The following PRODH2 variants were observed in gnomAD, a reference collection of about 807,000 sequenced individuals.
PRODH2 encodes hydroxyproline dehydrogenase.
Under a neutral mutation model 51.9 loss-of-function variants are expected in PRODH2, and 49 were observed. The observed-to-expected ratio is 0.94, with a 90% CI of 0.75 to 1.20. The LOEUF (loss-of-function observed/expected upper bound fraction) is 1.20, where lower values mean the gene tolerates loss of function less well. PRODH2 is among the 50% of genes most tolerant of loss of function. The probability of loss-of-function intolerance (pLI) is 0.00; values close to 1 mark genes in which losing one functional copy is unlikely to be tolerated. For synonymous variants in PRODH2, 249 were observed against 260.7 expected (o/e 0.96, Z 0.43); for missense variants, 597 against 610.9 (o/e 0.98, Z 0.24).
intron 7 of PRODH2, among the ~76,000 whole-genome samples, chr19:35,805,739 C>T (rs542751129): frequency 6.6e-6 from 1 of 152,324 alleles, no homozygotes; most frequent in African/African-American, 2.4e-5. Context: ...GGTACACAAA[C>T]GTGCCCTGGA....
At chr19:35,802,888 T>C in intron 8 of PRODH2, 80 bp downstream of exon 8, 3 of 1,021,936 alleles carry the variant, frequency 2.9e-6, no homozygotes, top group Non-Finnish European at 4.3e-6. Flanking sequence ...CCTCTGTCCA[T>C]CTCTGGCATT....
intron 4 of PRODH2, among the ~76,000 whole-genome samples, chr19:35,808,127 C>T (rs189087421): frequency 3.9e-4 from 59 of 152,346 alleles, no homozygotes; most frequent in African/African-American, 1.3e-3. Flanking sequence ...TGCCTTCATG[C>T]TTCCTCGGCC....
intron 7 of PRODH2, among the ~76,000 whole-genome samples, chr19:35,803,294 G>T (rs1972461851): frequency 6.6e-6 from 1 of 152,098 alleles, no homozygotes; most frequent in African/African-American, 2.4e-5. Context: ...TCACTCTGTT[G>T]CCCAGGCTGG....
chr19:35,805,823 C>T (rs1326659289), intron 7 of PRODH2, among the ~76,000 whole-genome samples: 2 of 152,176 alleles, frequency 1.3e-5, no homozygotes, highest in Non-Finnish European at 2.9e-5. Flanking sequence ...CTGGCTGAGT[C>T]CCTGTGGCCC....
chr19:35,812,757 T>C lies in PRODH2; in HGVS notation c.49A>G (p.Arg17Gly). Residue 17 changes from arginine (R) to glycine (G), a missense_variant, in exon 1 of 10, where the codon AGG becomes GGG. Transcript: ENST00000653904. The part of the protein sequence containing the change: ...VLCSQAGPPS[R>G]GWQSLSFDGG... Reference sequence around the variant, plus strand: ...TCAAAGCTCAGGGACTGCCAGCCCCTGGAGGGGGGACCAGCTTGGGAACAG... The same window carrying C: ...TCAAAGCTCAGGGACTGCCAGCCCCCGGAGGGGGGACCAGCTTGGGAACAG... 6.2e-7 allele frequency: 1 copy of C among 1,609,614 alleles called. No individual in the cohort carries two copies.
chr19:35,804,603 G>A (rs929235249), intron 7 of PRODH2, among the ~76,000 whole-genome samples: 2 of 152,182 alleles, frequency 1.3e-5, no homozygotes, highest in Non-Finnish European at 2.9e-5. Context: ...TGATGCTCCA[G>A]AGCCCAGGCT....
At chr19:35,805,425 C>G (rs1972496828) in intron 7 of PRODH2, among the ~76,000 whole-genome samples, 1 of 152,106 alleles carries the variant, frequency 6.6e-6, no homozygotes, top group Non-Finnish European at 1.5e-5. Flanking sequence ...AGCCACCACA[C>G]CCGGCTAATT....
At chr19:35,802,379 A>G (rs1194438426) in intron 8 of PRODH2, 103 bp from the exon 9 acceptor site, 1 of 994,028 alleles carries the variant, frequency 1.0e-6, no homozygotes, top group African/African-American at 1.6e-5. Context: ...CAAACATTGA[A>G]GTATTTCCAA....
intron 4 of PRODH2, among the ~76,000 whole-genome samples, chr19:35,808,795 CCCTT>C (rs749103083): frequency 2.9e-5 from 4 of 136,992 alleles, no homozygotes; most frequent in African/African-American, 5.2e-5. Context: ...CTCCTTCCCT[CCCTT>C]CCTTCCTTCC....
chr19:35,803,405 C>G (rs559313306), intron 7 of PRODH2, among the ~76,000 whole-genome samples: 1 of 152,272 alleles, frequency 6.6e-6, no homozygotes, highest in South Asian at 2.1e-4. Flanking sequence ...CAGGCGTGCA[C>G]CATCACACCC....
intron 7 of PRODH2, among the ~76,000 whole-genome samples, chr19:35,804,668 G>A (rs1720196864): frequency 6.6e-6 from 1 of 152,252 alleles, no homozygotes; most frequent in African/African-American, 2.4e-5. Flanking sequence ...TGGACATGCT[G>A]GCTTACGCCT....
At chr19:35,802,929 T>C (rs1324286182) in intron 8 of PRODH2, 39 bp downstream of exon 8, 1 of 1,416,358 alleles carries the variant, frequency 7.1e-7, no homozygotes, top group East Asian at 2.5e-5. Flanking sequence ...AGGGCCCTTT[T>C]GTGGGCACCT....
intron 4 of PRODH2, among the ~76,000 whole-genome samples, chr19:35,808,996 TCTCAAA>T (rs1388299712): frequency 1.3e-5 from 2 of 152,020 alleles, no homozygotes; most frequent in African/African-American, 2.4e-5. Flanking sequence ...CCCAGGCTGG[TCTCAAA>T]CTCCTGACCT....
At chr19:35,810,924 G>T (rs1338521693) in intron 4 of PRODH2, among the ~76,000 whole-genome samples, 1 of 151,958 alleles carries the variant, frequency 6.6e-6, no homozygotes, top group Non-Finnish European at 1.5e-5. Context: ...GTTTTACCTT[G>T]AAAGAAAAAA....
In PRODH2 at chr19:35,806,777, C is replaced by G. The variant is rs1972520869; in HGVS notation, c.732G>C (p.Leu244=). The change falls in exon 6 of 10, where the codon CTG becomes CTC. Residue 244 remains leucine (L), a synonymous_variant. Transcript: ENST00000653904. The part of the protein sequence containing the change: ...RLLVDAEYTS[L]NPALSLLVAA... ...CCACCAGCAGCGAGAGCGCAGGGTT[C>G]AGTGAGGTGTACTCCGCATCCACCA... 6.2e-7 allele frequency: 1 copy of G among 1,613,370 alleles called. No individual in the cohort carries two copies. The highest frequency in any genetic ancestry group is 8.5e-7 in the Non-Finnish European group (1 of 1,179,734).
rs1169743062 is a variant in PRODH2 at position 35,806,572 on chromosome 19, C to T, written c.859G>A (p.Asp287Asn). Residue 287 changes from aspartate (D) to asparagine (N), a missense_variant, in exon 7 of 10, where the codon GAT becomes AAT. Coordinates refer to ENST00000653904, the MANE Select transcript of PRODH2 (RefSeq NM_021232.2). ...CCGGCCCTGTGCGCAGCCTCTGCAT[C>T]CCTCCCCAGCCGCTCGAATGTGTCC... ...LKDTFERLGR[D>N]AEAAHRAGLA... is the part of the protein sequence containing the mutation. 2 of 1,614,116 alleles carry T rather than the reference C, an allele frequency of 1.2e-6. No individual in the cohort carries two copies. Among genetic ancestry groups the T allele is most frequent in the South Asian group, 1.1e-5 (1 of 91,090 alleles).
intron 4 of PRODH2, among the ~76,000 whole-genome samples, chr19:35,811,602 AG>A (rs1408346725): frequency 6.6e-6 from 1 of 152,210 alleles, no homozygotes; most frequent in African/African-American, 2.4e-5. Flanking sequence ...GGAGATAAAA[AG>A]GAATTAATGA....
intron 4 of PRODH2, among the ~76,000 whole-genome samples, chr19:35,808,605 A>G (rs1204552196): frequency 6.6e-6 from 1 of 151,994 alleles, no homozygotes; most frequent in Non-Finnish European, 1.5e-5. Context: ...AACTCATTTA[A>G]TATTTACCAC....
At chr19:35,803,640 A>G (rs1972466405) in intron 7 of PRODH2, among the ~76,000 whole-genome samples, 1 of 152,178 alleles carries the variant, frequency 6.6e-6, no homozygotes, top group Non-Finnish European at 1.5e-5. Context: ...AGTCTTTGGG[A>G]CAGTGGCGGC....
Sources: gnomAD v4.1 joint callset for allele counts (sites outside exome capture counted in the v4.1 genomes callset) on GRCh38, gnomAD v4.1.1 for gene constraint, MANE v1.5 for transcripts, NCBI Gene and HGNC (gene_info 2026-07-23, HGNC 2026-07-21) for gene names.